The following CEACAM19 variants were observed in gnomAD, a reference collection of about 807,000 sequenced individuals.
CEACAM19 encodes CEA cell adhesion molecule 19.
Under a neutral mutation model 37.6 loss-of-function variants are expected in CEACAM19, and 37 were observed. That is an observed-to-expected ratio of 0.98 (90% CI 0.76 to 1.29). The LOEUF (loss-of-function observed/expected upper bound fraction) is 1.29. CEACAM19 is among the 50% of genes most tolerant of loss of function. The pLI is 0.00. For missense variants in CEACAM19, 340 were observed against 375.6 expected (o/e 0.91, Z 0.78); for synonymous variants, 140 against 149.8 (o/e 0.93, Z 0.48).
rs373524627 is a variant in CEACAM19 at position 44,682,575 on chromosome 19, C to A, written c.801C>A (p.Pro267=). The change falls in exon 7 of 8, where the codon CCC becomes CCA. Residue 267 remains proline, a synonymous_variant. Transcript: ENST00000358777. The part of the protein sequence containing the change: ...TRSINPARPL[P]TPPHLQAEPE... ...GTGTCCTTCCCTTGCAGCCCCTGCC[C>A]ACACCCCCACACCTGCAGGCGGAGC... The A allele has an allele frequency of 1.9e-6, 3 of 1,602,414 alleles. No individual in the cohort carries two copies. The highest frequency in any genetic ancestry group is 2.6e-6 in the Non-Finnish European group (3 of 1,174,728).
rs1973952195 is a variant in CEACAM19, at chr19:44,676,433, C to A, written c.575+12C>A. On this transcript the variant is annotated intron_variant, in intron 3 of 7. Transcript: ENST00000358777. ...GGCCAGAGCCACAGGTACAGGGTCC[C>A]CAAGTGTCCCTCTCCTGTCTGCTCC... 1 of 1,613,722 alleles carries A rather than the reference C, an allele frequency of 6.2e-7. No homozygotes were observed. The highest frequency in any genetic ancestry group is 8.5e-7 in the Non-Finnish European group (1 of 1,179,802).
At chr19:44,683,206 C>CT in intron 7 of CEACAM19, 1 of 437,508 alleles carries the variant, frequency 2.3e-6, no homozygotes. Context: ...CTCTCTCTCT[C>CT]CATTCTCTGT....
chr19:44,682,518 G>A (rs1179978738), intron 6 of CEACAM19, 49 bp from the exon 7 acceptor site: 1 of 1,542,188 alleles, frequency 6.5e-7, no homozygotes, highest in African/African-American at 1.4e-5. Context: ...TCAAAGTTTA[G>A]AGGGTGGGGG....
chr19:44,683,496 C>T lies in CEACAM19; in HGVS notation c.*6C>T. ...AGCTGGTGCCAACTTCCTGATGGGT[C>T]CTGGGCCAGGCCAGCCAGGGAGAAG... is the stretch of plus-strand genomic sequence containing the variant. On this transcript the variant is annotated 3_prime_UTR_variant, in exon 8 of 8. Transcript: ENST00000358777. 1 of 1,540,374 alleles carries T rather than the reference C, an allele frequency of 6.5e-7. No homozygotes were observed. Among genetic ancestry groups the T allele is most frequent in the South Asian group, 1.2e-5 (1 of 82,240 alleles).
rs546697977 is a variant in CEACAM19 at position 44,678,865 on chromosome 19, G to A, written c.588G>A (p.Pro196=). ...WRGQSHRLPA[P]RGQGSLSILC... ...CTTTCCACCCTAGACTGCCTGCTCCGAGGGGCCAGGGATCTCTGTCCATCT... is the reference window on the plus strand; with the variant it reads ...CTTTCCACCCTAGACTGCCTGCTCCAAGGGGCCAGGGATCTCTGTCCATCT... The change falls in exon 4 of 8, where the codon CCG becomes CCA. Residue 196 remains proline (P), a synonymous_variant. Coordinates refer to ENST00000358777, the MANE Select transcript of CEACAM19 (RefSeq NM_001127893.3). The A allele has an allele frequency of 8.1e-6, 13 of 1,613,640 alleles. No individual in the cohort carries two copies. The highest frequency in any genetic ancestry group is 2.2e-5 in the East Asian group (1 of 44,848).
upstream of CEACAM19, among the ~76,000 whole-genome samples, chr19:44,667,872 T>C (rs867291723): frequency 2.4e-3 from 173 of 73,376 alleles, 2 homozygotes; most frequent in African/African-American, 0.01. Flanking sequence ...TTATATATAA[T>C]ATATAAATAT....
intron 2 of CEACAM19, among the ~76,000 whole-genome samples, chr19:44,675,366 G>A (rs185074326): frequency 7.9e-5 from 12 of 152,080 alleles, no homozygotes; most frequent in Admixed American, 7.2e-4. Flanking sequence ...AGGTAGGCGT[G>A]GTCTTAATTC....
At chr19:44,682,391 C>G (rs1469633065) in intron 6 of CEACAM19, among the ~76,000 whole-genome samples, 176 bp from the exon 7 acceptor site, 2 of 152,192 alleles carry the variant, frequency 1.3e-5, no homozygotes, top group Admixed American at 1.3e-4. Flanking sequence ...GGCCCAGTGC[C>G]CATTTGTCAG....
In CEACAM19 at chr19:44,671,601, C is replaced by T. The variant is rs999182709; in HGVS notation, c.-331C>T. 2 of 421,458 alleles carry T rather than the reference C, an allele frequency of 4.7e-6. No homozygotes were observed. The highest frequency in any genetic ancestry group is 3.9e-5 in the Admixed American group (1 of 25,344). The allele number at this position is 421,458 out of a possible 1,614,324, so 26.1% of individuals were successfully genotyped here. ...CCCAGGGGAATTGTTCAAACAGAGG[C>T]TGTTATGACTATTGCTACAGTGACT... On this transcript the variant is annotated 5_prime_UTR_variant, in exon 1 of 8. Coordinates refer to ENST00000358777, the MANE Select transcript of CEACAM19 (RefSeq NM_001127893.3).
intron 7 of CEACAM19, 60 bp downstream of exon 7, chr19:44,682,680 C>T: frequency 1.3e-6 from 2 of 1,508,410 alleles, no homozygotes; most frequent in South Asian, 2.4e-5. Context: ...AGCCCCGAAG[C>T]CGGGGTGGGG....
At position 44,676,297 on chromosome 19, in the gene CEACAM19, C is replaced by CA; in HGVS notation, c.452dup (p.His151GlnfsTer84). The CA allele has an allele frequency of 6.2e-7, 1 of 1,614,150 alleles. No individual in the cohort carries two copies. Among genetic ancestry groups the CA allele is most frequent in the Non-Finnish European group, 8.5e-7 (1 of 1,180,034 alleles). ...AAAGAATAAGGAGCTGCCCAGTACA[C>CA]ACCTGCCCACCAACGCTGGGATCCT... is the stretch of plus-strand genomic sequence containing the variant. On this transcript the variant is annotated frameshift_variant, in exon 3 of 8. Transcript: ENST00000358777. LOFTEE classifies it high-confidence loss of function.
At chr19:44,680,559 A>G (rs1028072133) in intron 5 of CEACAM19, among the ~76,000 whole-genome samples, 1 of 151,248 alleles carries the variant, frequency 6.6e-6, no homozygotes, top group Non-Finnish European at 1.5e-5. Flanking sequence ...TCCCCATCCC[A>G]TCATGCAAGT....
chr19:44,670,323 A>G (rs1973832704), upstream of CEACAM19, among the ~76,000 whole-genome samples: 1 of 135,280 alleles, frequency 7.4e-6, no homozygotes, highest in Admixed American at 7.3e-5. Context: ...ACCCTGTCTT[A>G]AAAAAAAAAA....
chr19:44,679,962 A>T (rs1007290585), intron 4 of CEACAM19, among the ~76,000 whole-genome samples: 19 of 152,082 alleles, frequency 1.2e-4, no homozygotes, highest in African/African-American at 4.1e-4. Context: ...AAATAAGGGT[A>T]TTCAAATGAA....
At chr19:44,668,013 T>A (rs1205421038), upstream of CEACAM19, among the ~76,000 whole-genome samples, 3 of 92 alleles carry the variant, frequency 0.033, no homozygotes, top group Non-Finnish European at 0.06. Context: ...AGATTTATAT[T>A]ATTTATATAG....
chr19:44,668,335 TTATAA>T (rs1200130848), upstream of CEACAM19, among the ~76,000 whole-genome samples: 38 of 55,926 alleles, frequency 6.8e-4, 4 homozygotes, highest in African/African-American at 3.1e-3. Context: ...TATAATATGT[TTATAA>T]TATATATAAT....
chr19:44,672,066 G>A lies in CEACAM19; in HGVS notation c.55+80G>A. ...AGATTGAAGTTTCCTCTTAGAAGTA[G>A]GGAAAGATTACCTGAGAGGATGAAA... On this transcript the variant is annotated intron_variant, in intron 1 of 7. Coordinates refer to ENST00000358777, the MANE Select transcript of CEACAM19 (RefSeq NM_001127893.3). 1.1e-5 allele frequency: 13 copies of A among 1,170,606 alleles called. 1 individual carries two copies. In the South Asian group the frequency reaches 1.6e-4, roughly 14 times the overall value. 72.5% of individuals were successfully genotyped at this position (1,170,606 alleles called of 1,614,324 possible). A position where few individuals can be genotyped will look rare whatever the true frequency, so the allele number is the denominator to read the frequency against.
chr19:44,679,400 T>G (rs1265504289), intron 4 of CEACAM19, among the ~76,000 whole-genome samples: 2 of 151,324 alleles, frequency 1.3e-5, no homozygotes, highest in Non-Finnish European at 2.9e-5. Flanking sequence ...AGGTCAGGAG[T>G]TCGAGACCAA....
At chr19:44,675,307 A>G (rs542722035) in intron 2 of CEACAM19, among the ~76,000 whole-genome samples, 31 of 152,214 alleles carry the variant, frequency 2.0e-4, no homozygotes, top group Non-Finnish European at 2.8e-4. Flanking sequence ...TTGGGATAGA[A>G]CAGATGTCCA....
Sources: gnomAD v4.1 joint callset for allele counts (sites outside exome capture counted in the v4.1 genomes callset) on GRCh38, gnomAD v4.1.1 for gene constraint, MANE v1.5 for transcripts, NCBI Gene and HGNC (gene_info 2026-07-23, HGNC 2026-07-21) for gene names.